Variants in AP4M1 observed in about 807,000 individuals in gnomAD.
AP4M1 encodes AP-4 complex subunit mu-1.
AP4M1 carries 58 observed loss-of-function variants against 62.4 expected under a neutral mutation model. The observed-to-expected ratio is 0.93, with a 90% CI of 0.75 to 1.16. The LOEUF (loss-of-function observed/expected upper bound fraction) is 1.16, where lower values mean the gene tolerates loss of function less well. AP4M1 is among the 50% of genes most tolerant of loss of function. The probability of loss-of-function intolerance (pLI) is 0.00; values close to 1 mark genes in which losing one functional copy is unlikely to be tolerated. For missense variants in AP4M1, 626 were observed against 585.4 expected, an observed-to-expected ratio of 1.07 and a Z score of -0.72; for synonymous variants, 290 against 239.7, an observed-to-expected ratio of 1.21 and a Z score of -1.94.
Position 100,105,394 on chromosome 7 carries a change from G to A in AP4M1, c.834+48G>A, listed in dbSNP as rs371795483. ...AAATTCCGTCCACCATGGGGAAGGG[G>A]GCAGTGGGGTCGTGAGACCAAACTA... On this transcript the variant is annotated intron_variant, in intron 10 of 14. Coordinates refer to ENST00000359593, the MANE Select transcript of AP4M1 (RefSeq NM_004722.4). 4 of 1,612,108 alleles carry A rather than the reference G, an allele frequency of 2.5e-6. No individual in the cohort carries two copies. The African/African-American group carries it at 5.3e-5, about 22-fold the overall frequency.
rs1283387332 is a variant in AP4M1, at chr7:100,107,172, GAGCA to G, written c.*291_*294del. 6.4e-5 allele frequency: 97 copies of G among 1,508,500 alleles called. No homozygotes were observed. In the South Asian group the frequency reaches 7.9e-4, roughly 12 times the overall value. The allele number at this position is 1,508,500 out of a possible 1,614,324, so 93.4% of individuals were successfully genotyped here. A position where few individuals can be genotyped will look rare whatever the true frequency, so the allele number is the denominator to read the frequency against. The stretch of plus-strand genomic sequence containing the variant: ...AATCTACAACTTCCTTCCGCTTAGC[GAGCA>G]TGCATGTGTGTACGTGCACGTGTGT... On this transcript the variant is annotated 3_prime_UTR_variant, in exon 15 of 15. Coordinates refer to ENST00000359593, the MANE Select transcript of AP4M1 (RefSeq NM_004722.4).
rs1796226401 is a variant in AP4M1 at position 100,103,493 on chromosome 7, C to T, written c.436C>T (p.Leu146Phe). 3 of 1,614,204 alleles carry T rather than the reference C, an allele frequency of 1.9e-6. No individual in the cohort carries two copies. The highest frequency in any genetic ancestry group is 3.3e-5 in the Admixed American group (2 of 60,026). Residue 146 changes from leucine to phenylalanine, a missense_variant, in exon 5 of 15, where the codon CTC becomes TTC. Physicochemically the swap from Leu to Phe is conservative, Grantham distance 22 (BLOSUM62 0). Transcript: ENST00000359593. ...AGCTGTGGTCAGCAAGCCCTTCAGC[C>T]TCTTTGACCTCAGCAGCGTTGGCTT... Reference protein sequence around the residue: ...TEAVVSKPFSLFDLSSVGLFG... With the variant: ...TEAVVSKPFSFFDLSSVGLFG...
Position 100,102,743 on chromosome 7 carries a change from A to C in AP4M1, c.216A>C (p.Glu72Asp), listed in dbSNP as rs1796158236. The C allele has an allele frequency of 6.2e-7, 1 of 1,614,062 alleles. No individual in the cohort carries two copies. The highest frequency in any genetic ancestry group is 1.3e-5 in the African/African-American group (1 of 74,916). ...TCTATTTGGTGGTCACAACTTCAGA[A>C]AACGTTTCTCCCTTCAGCCTCCTAG... ...SGLYLVVTTS[E>D]NVSPFSLLEL... The change falls in exon 3 of 15, where the codon GAA becomes GAC. Residue 72 changes from glutamate (E) to aspartate (D), a missense_variant. Physicochemically the swap from Glu to Asp is conservative, Grantham distance 45. Coordinates refer to ENST00000359593, the MANE Select transcript of AP4M1 (RefSeq NM_004722.4).
rs1296279834 is a variant in AP4M1, at chr7:100,102,616, G to A, written c.148-59G>A. The A allele has an allele frequency of 1.0e-5, 15 of 1,501,210 alleles. No individual in the cohort carries two copies. The Middle Eastern group carries it at 5.4e-4, about 54-fold the overall frequency. The allele number at this position is 1,501,210 out of a possible 1,614,324, so 93.0% of individuals were successfully genotyped here. Reference sequence around the variant, plus strand: ...CGGGATCCGAGCTCAGGTCTCCTGGGTTCTGATCACTCCACCTCCCTTTTT... The same window carrying A: ...CGGGATCCGAGCTCAGGTCTCCTGGATTCTGATCACTCCACCTCCCTTTTT... On this transcript the variant is annotated intron_variant, in intron 2 of 14. Coordinates refer to ENST00000359593, the MANE Select transcript of AP4M1 (RefSeq NM_004722.4).
upstream of AP4M1, chr7:100,101,567 A>C (rs1012650279): frequency 2.2e-6 from 2 of 890,892 alleles, no homozygotes; most frequent in East Asian, 2.5e-5. Context: ...GGGGTAGTGC[A>C]GGCGCCGGGT....
rs1031343321 is a variant in AP4M1 at position 100,106,133 on chromosome 7, T to G, written c.975-108T>G. On this transcript the variant is annotated intron_variant, in intron 12 of 14. Coordinates refer to ENST00000359593, the MANE Select transcript of AP4M1 (RefSeq NM_004722.4). ...CAGTTAAGGTAGAGGCTGTAGAATT[T>G]GGGAAGGTGGGGGGCACCTGTGCTG... The G allele has an allele frequency of 1.9e-5, 30 of 1,545,388 alleles. No individual in the cohort carries two copies. The South Asian group carries it at 3.1e-4, about 16-fold the overall frequency.
rs1407503747 is a variant in AP4M1 at position 100,105,066 on chromosome 7, A to G, written c.695A>G (p.Glu232Gly). 6.2e-7 allele frequency: 1 copy of G among 1,614,088 alleles called. No individual in the cohort carries two copies. ...SGSEMRIGLT[E>G]EFCVGKSELR... The stretch of plus-strand genomic sequence containing the variant: ...ACAGAGATGCGCATTGGCTTGACGG[A>G]AGAGTTTTGTGTGGGGAAGTCAGAG... The change falls in exon 9 of 15, where the codon GAA (glutamate) becomes GGA (glycine). Residue 232 changes from glutamate to glycine, a missense_variant. Coordinates refer to ENST00000359593, the MANE Select transcript of AP4M1 (RefSeq NM_004722.4).
chr7:100,101,550 T>G (rs1184662078), upstream of AP4M1: 2 of 824,978 alleles, frequency 2.4e-6, no homozygotes, highest in African/African-American at 3.4e-5. Context: ...GAAGGGAATC[T>G]CCGGGCGGGG....
rs1038088841 is a variant in AP4M1, at chr7:100,103,050, G to A, written c.351+90G>A. 11 of 996,198 alleles carry A rather than the reference G, an allele frequency of 1.1e-5. No homozygotes were observed. The Admixed American group carries it at 2.2e-4, about 20-fold the overall frequency. The allele number at this position is 996,198 out of a possible 1,614,324, so 61.7% of individuals were successfully genotyped here. On this transcript the variant is annotated intron_variant, in intron 4 of 14. Coordinates refer to ENST00000359593, the MANE Select transcript of AP4M1 (RefSeq NM_004722.4). The stretch of plus-strand genomic sequence containing the variant: ...TACTGTGGGATGCCGTGGTTAGGAG[G>A]CCAAGTCTACCTTTTTTTTTTTTTT...
At position 100,102,868 on chromosome 7, in the gene AP4M1, G is replaced by C. The variant is rs771237675; in HGVS notation, c.259G>C (p.Ala87Pro). 24 of 1,613,948 alleles carry C rather than the reference G, an allele frequency of 1.5e-5. No homozygotes were observed. Among genetic ancestry groups the C allele is most frequent in the Non-Finnish European group, 1.9e-5 (23 of 1,180,022 alleles). ...FSLLELLSRL[A>P]TLLGDYCGSL... ...ACGCTCCAAGTGTTTCCTCAGGTTG[G>C]CCACCCTTCTGGGCGATTACTGTGG... Residue 87 changes from alanine to proline, a missense_variant, in exon 4 of 15, where the codon GCC becomes CCC. Transcript: ENST00000359593.
intron 2 of AP4M1, chr7:100,102,362 G>C: frequency 1.9e-6 from 1 of 513,758 alleles, no homozygotes; most frequent in African/African-American, 1.9e-5. Flanking sequence ...CCGCACTCCA[G>C]CCTGGGAGAC....
intron 12 of AP4M1, 68 bp from the exon 13 acceptor site, chr7:100,106,173 C>T (rs973839743): frequency 6.3e-7 from 1 of 1,583,378 alleles, no homozygotes; most frequent in Middle Eastern, 1.7e-4. Context: ...CCTGTTATGA[C>T]ATTGAAGAGG....
chr7:100,101,659 G>T lies in AP4M1; in HGVS notation c.-56G>T. 6.6e-7 allele frequency: 1 copy of T among 1,522,906 alleles called. No homozygotes were observed. Among genetic ancestry groups the T allele is most frequent in the Non-Finnish European group, 9.1e-7 (1 of 1,098,306 alleles). The allele number at this position is 1,522,906 out of a possible 1,614,324, so 94.3% of individuals were successfully genotyped here. ...ACACGCGTTCTTTTGTTCCGGGGCC[G>T]CAGGGCGGGGCAGGCCCGACTTTCG... On this transcript the variant is annotated 5_prime_UTR_variant, in exon 1 of 15. Coordinates refer to ENST00000359593, the MANE Select transcript of AP4M1 (RefSeq NM_004722.4).
chr7:100,104,539 A>G (rs1263602334), intron 7 of AP4M1, among the ~76,000 whole-genome samples: 1 of 147,732 alleles, frequency 6.8e-6, no homozygotes, highest in Non-Finnish European at 1.5e-5. Context: ...AAAAATAAAT[A>G]AGTAAAAAAG....
Position 100,107,377 on chromosome 7 carries a change from G to C in AP4M1, c.*495G>C, listed in dbSNP as rs1178594816. On this transcript the variant is annotated 3_prime_UTR_variant, in exon 15 of 15. Transcript: ENST00000359593. The stretch of plus-strand genomic sequence containing the variant: ...AGGGCACTGCCGCTGAGTGGGGACG[G>C]GGACGATGCCGGGGGAGGAACTGGA... The C allele has an allele frequency of 6.3e-7, 1 of 1,590,634 alleles. No individual in the cohort carries two copies. Among genetic ancestry groups the C allele is most frequent in the Admixed American group, 1.7e-5 (1 of 57,662 alleles).
In AP4M1 at chr7:100,107,787, C is replaced by T. The variant is rs1796698741; in HGVS notation, c.*905C>T. On this transcript the variant is annotated 3_prime_UTR_variant, in exon 15 of 15. Coordinates refer to ENST00000359593, the MANE Select transcript of AP4M1 (RefSeq NM_004722.4). ...TTGTTCATGCAGGGCAGCTACAGCCCTGCAGGACCCTGGTGGGCGCCTCTT... is the reference window on the plus strand; with the variant it reads ...TTGTTCATGCAGGGCAGCTACAGCCTTGCAGGACCCTGGTGGGCGCCTCTT... 9 of 1,384,464 alleles carry T rather than the reference C, an allele frequency of 6.5e-6. No individual in the cohort carries two copies. In the South Asian group the frequency reaches 1.2e-4, roughly 18 times the overall value. The allele number at this position is 1,384,464 out of a possible 1,614,324, so 85.8% of individuals were successfully genotyped here. A position where few individuals can be genotyped will look rare whatever the true frequency, so the allele number is the denominator to read the frequency against.
intron 4 of AP4M1, 108 bp from the exon 5 acceptor site, chr7:100,103,301 C>A: frequency 2.0e-6 from 2 of 992,150 alleles, no homozygotes; most frequent in Non-Finnish European, 3.1e-6. Context: ...ACGTCTCGGC[C>A]TTCCAAAGCG....
chr7:100,101,230 C>T, upstream of AP4M1: 2 of 1,612,544 alleles, frequency 1.2e-6, no homozygotes, highest in Middle Eastern at 1.6e-4. Flanking sequence ...AGGCTCCCCG[C>T]GCAGGACGCC....
In AP4M1 at chr7:100,107,154, A is replaced by T; in HGVS notation, c.*272A>T. 1 of 1,481,200 alleles carries T rather than the reference A, an allele frequency of 6.8e-7. No homozygotes were observed. The highest frequency in any genetic ancestry group is 9.0e-7 in the Non-Finnish European group (1 of 1,109,862). 91.8% of individuals were successfully genotyped at this position (1,481,200 alleles called of 1,614,324 possible). On this transcript the variant is annotated 3_prime_UTR_variant, in exon 15 of 15. Transcript: ENST00000359593. ...AAGTGACATGAAGGAAGCAATCTAC[A>T]ACTTCCTTCCGCTTAGCGAGCATGC... is the stretch of plus-strand genomic sequence containing the variant.
Sources: allele counts gnomAD v4.1 joint callset (sites outside exome capture counted in the v4.1 genomes callset), GRCh38; gene constraint gnomAD v4.1.1; transcripts MANE v1.5; gene names NCBI Gene and HGNC (gene_info 2026-07-23, HGNC 2026-07-21).